The following DPP10 variants were observed in gnomAD, a reference collection of about 807,000 sequenced individuals.
DPP10 encodes the protein inactive dipeptidyl peptidase 10.
DPP10 carries 33 observed loss-of-function variants against 120.9 expected under a neutral mutation model. That is an observed-to-expected ratio of 0.27 (90% CI 0.21 to 0.37). The LOEUF is 0.37. DPP10 is among the 10% of genes least tolerant of loss of function. DPP10 has a pLI of 1.00. For missense variants in DPP10, 816 were observed against 942.8 expected, an observed-to-expected ratio of 0.87 and a Z score of 1.76; for synonymous variants, 337 against 326.1, an observed-to-expected ratio of 1.03 and a Z score of -0.36.
chr2:114,960,689 G>A (rs1206090653), intron 1 of DPP10, among the ~76,000 whole-genome samples: 1 of 152,112 alleles, frequency 6.6e-6, no homozygotes, highest in African/African-American at 2.4e-5. Flanking sequence ...TATCCATACA[G>A]TTTCTGCTCC....
intron 1 of DPP10, among the ~76,000 whole-genome samples, chr2:115,089,507 A>G (rs186039387): frequency 4.6e-5 from 7 of 152,236 alleles, no homozygotes; most frequent in African/African-American, 1.4e-4. Context: ...TACCCTCTCT[A>G]TCACACTTTG....
chr2:115,174,159 AAGTC>A (rs2053548970), intron 1 of DPP10, among the ~76,000 whole-genome samples: 1 of 152,142 alleles, frequency 6.6e-6, no homozygotes, highest in Admixed American at 6.6e-5. Flanking sequence ...GGTTTGTGTA[AAGTC>A]TAGGTTTTCT....
intron 5 of DPP10, among the ~76,000 whole-genome samples, chr2:115,582,107 A>G (rs2082032529): frequency 1.3e-5 from 2 of 152,136 alleles, no homozygotes; most frequent in African/African-American, 4.8e-5. Flanking sequence ...GCGAGATCCA[A>G]GTGCCCCATC....
At chr2:115,184,742 A>G (rs2054315411) in intron 1 of DPP10, among the ~76,000 whole-genome samples, 1 of 152,210 alleles carries the variant, frequency 6.6e-6, no homozygotes, top group Non-Finnish European at 1.5e-5. Context: ...TAATGTAAAC[A>G]TTTGCAGCCT....
At chr2:115,284,309 A>C (rs1381899957) in intron 1 of DPP10, among the ~76,000 whole-genome samples, 1 of 152,012 alleles carries the variant, frequency 6.6e-6, no homozygotes, top group Non-Finnish European at 1.5e-5. Context: ...TGATTTGTTT[A>C]ACCTTGTCAT....
At chr2:115,432,933 G>C (rs928045307) in intron 3 of DPP10, among the ~76,000 whole-genome samples, 2 of 152,082 alleles carry the variant, frequency 1.3e-5, no homozygotes, top group Non-Finnish European at 2.9e-5. Context: ...TTATGGTCCA[G>C]ATTGATGGCA....
intron 1 of DPP10, among the ~76,000 whole-genome samples, chr2:115,193,728 A>G (rs1428116291): frequency 1.3e-5 from 2 of 152,180 alleles, no homozygotes; most frequent in Non-Finnish European, 2.9e-5. Context: ...AACAGCTCAC[A>G]TGTTTGAGCA....
chr2:114,802,863 C>T (rs550730117), intron 1 of DPP10, among the ~76,000 whole-genome samples: 24 of 152,246 alleles, frequency 1.6e-4, no homozygotes, highest in African/African-American at 4.8e-4. Context: ...TTCTTCTAAG[C>T]ATCATCTATC....
intron 1 of DPP10, among the ~76,000 whole-genome samples, chr2:114,550,616 C>A (rs918300334): frequency 6.6e-6 from 1 of 152,230 alleles, no homozygotes; most frequent in Non-Finnish European, 1.5e-5. Context: ...TTGAAGCAAC[C>A]TTTGCTCCTT....
At chr2:114,946,437 T>C (rs1697351514) in intron 1 of DPP10, among the ~76,000 whole-genome samples, 1 of 152,160 alleles carries the variant, frequency 6.6e-6, no homozygotes, top group South Asian at 2.1e-4. Context: ...ACACTACTAA[T>C]TTATACACTG....
chr2:114,738,500 G>A (rs911863794), intron 1 of DPP10, among the ~76,000 whole-genome samples: 3 of 152,142 alleles, frequency 2.0e-5, no homozygotes, highest in African/African-American at 7.2e-5. Flanking sequence ...AAAAAATAAA[G>A]CCTGGGACAC....
chr2:114,692,406 T>C (rs1174554154), intron 1 of DPP10, among the ~76,000 whole-genome samples: 1 of 152,134 alleles, frequency 6.6e-6, no homozygotes, highest in Non-Finnish European at 1.5e-5. Flanking sequence ...AGTGAATTTC[T>C]TGATCTTGAG....
In DPP10 at chr2:115,555,589, A is replaced by C. The variant is rs758370206; in HGVS notation, c.441+29617A>C. On this transcript the variant is annotated intron_variant, in intron 5 of 25. Transcript: ENST00000410059. ...AGGGAACATTTCCACAAGGAAAACTAATGTGATACTTGTAGTCAGAAAGTG... is the reference window on the plus strand; with the variant it reads ...AGGGAACATTTCCACAAGGAAAACTCATGTGATACTTGTAGTCAGAAAGTG... 1.8e-4 allele frequency among the ~76,000 whole-genome samples: 27 copies of C among 152,222 alleles called. No individual in the cohort carries two copies. In the Middle Eastern group the frequency reaches 0.01, roughly 58 times the overall value.
At chr2:115,450,020 C>T (rs1174631621) in intron 3 of DPP10, among the ~76,000 whole-genome samples, 1 of 151,914 alleles carries the variant, frequency 6.6e-6, no homozygotes, top group Non-Finnish European at 1.5e-5. Flanking sequence ...AAATTGAGGC[C>T]TCTTGAATCC....
At chr2:115,310,414 G>T (rs1282002441) in intron 2 of DPP10, among the ~76,000 whole-genome samples, 1 of 152,100 alleles carries the variant, frequency 6.6e-6, no homozygotes, top group Non-Finnish European at 1.5e-5. Flanking sequence ...AATTGTTCCA[G>T]TGAGACACTT....
intron 3 of DPP10, among the ~76,000 whole-genome samples, chr2:115,379,027 T>G (rs1305469508): frequency 2.0e-5 from 3 of 152,232 alleles, no homozygotes; most frequent in Non-Finnish European, 4.4e-5. Context: ...TTTGGTTGTT[T>G]CTCTGCCCGG....
At chr2:114,677,426 T>TG (rs1424504776) in intron 1 of DPP10, among the ~76,000 whole-genome samples, 2 of 152,132 alleles carry the variant, frequency 1.3e-5, no homozygotes, top group Non-Finnish European at 2.9e-5. Context: ...GTCTCATTAC[T>TG]GGGGGGCTGA....
chr2:115,162,376 A>G (rs2052470545), intron 1 of DPP10: 5 of 1,350,116 alleles, frequency 3.7e-6, no homozygotes, highest in African/African-American at 1.5e-5. Flanking sequence ...CCATTAACGC[A>G]CGCTGAAGAA....
At chr2:114,443,862 T>C (rs1228101349) in intron 1 of DPP10, among the ~76,000 whole-genome samples, 2 of 152,154 alleles carry the variant, frequency 1.3e-5, no homozygotes, top group Non-Finnish European at 2.9e-5. Context: ...CTCAGGCCTT[T>C]AATAATATTG....
Sources: gnomAD v4.1 joint callset for allele counts (sites outside exome capture counted in the v4.1 genomes callset) on GRCh38, gnomAD v4.1.1 for gene constraint, MANE v1.5 for transcripts, NCBI Gene and HGNC (gene_info 2026-07-23, HGNC 2026-07-21) for gene names.